EYA1: variants seen among roughly 807,000 people sequenced by gnomAD.
The protein encoded by EYA1 is EYA transcriptional coactivator and phosphatase 1.
In EYA1, 16 loss-of-function variants were observed where a neutral mutation model predicts 82.0. The observed-to-expected ratio is 0.20, with a 90% confidence interval of 0.13 to 0.30. The LOEUF is 0.30. EYA1 is among the 10% of genes least tolerant of loss of function. The probability of loss-of-function intolerance (pLI) is 1.00; values close to 1 mark genes in which losing one functional copy is unlikely to be tolerated. For synonymous variants in EYA1, 261 were observed against 264.4 expected (o/e 0.99, Z 0.12); for missense variants, 633 against 730.7 (o/e 0.87, Z 1.54).
intron 17 of EYA1, among the ~76,000 whole-genome samples, chr8:71,200,848 G>A (rs1806899705): frequency 6.6e-6 from 1 of 151,340 alleles, no homozygotes; most frequent in African/African-American, 2.4e-5. Context: ...CTGAAGGGAG[G>A]TGATAGCTGA....
At chr8:71,353,455 C>A (rs1209526071) in intron 3 of EYA1, among the ~76,000 whole-genome samples, 2 of 152,168 alleles carry the variant, frequency 1.3e-5, no homozygotes, top group Admixed American at 6.5e-5. Flanking sequence ...GGAAAAGGCA[C>A]CTCATTCAGA....
At chr8:71,521,564 G>C (rs900746228) in intron 2 of EYA1, among the ~76,000 whole-genome samples, 3 of 152,248 alleles carry the variant, frequency 2.0e-5, no homozygotes, top group African/African-American at 7.2e-5. Flanking sequence ...GCATGGAAAT[G>C]CATGCATCTA....
At chr8:71,505,515 C>A (rs993404500) in intron 2 of EYA1, among the ~76,000 whole-genome samples, 1 of 152,194 alleles carries the variant, frequency 6.6e-6, no homozygotes, top group African/African-American at 2.4e-5. Context: ...GGGTGACCAT[C>A]CACATAGGAG....
chr8:71,403,231 A>G (rs982106458), intron 2 of EYA1, among the ~76,000 whole-genome samples: 1 of 152,250 alleles, frequency 6.6e-6, no homozygotes. Flanking sequence ...GAGCAATCCA[A>G]TACAAAATTG....
chr8:71,494,893 T>G (rs183915024), intron 2 of EYA1, among the ~76,000 whole-genome samples: 1 of 152,200 alleles, frequency 6.6e-6, no homozygotes, highest in Non-Finnish European at 1.5e-5. Context: ...AACGGAACTG[T>G]AAGTTTTAAA....
intron 2 of EYA1, among the ~76,000 whole-genome samples, chr8:71,379,529 GTT>G (rs1373993096): frequency 6.6e-6 from 1 of 152,152 alleles, no homozygotes; most frequent in Non-Finnish European, 1.5e-5. Context: ...GTTGTTGTTA[GTT>G]TTTGTTTTGC....
intron 2 of EYA1, among the ~76,000 whole-genome samples, chr8:71,472,503 TA>T (rs1242462270): frequency 6.6e-6 from 1 of 151,996 alleles, no homozygotes; most frequent in Non-Finnish European, 1.5e-5. Context: ...TTATTACAGA[TA>T]AAAACTATTA....
At chr8:71,279,537 C>A (rs1023806595) in intron 9 of EYA1, among the ~76,000 whole-genome samples, 1 of 152,180 alleles carries the variant, frequency 6.6e-6, no homozygotes, top group African/African-American at 2.4e-5. Context: ...CCAAAAGAAT[C>A]ATATACATCC....
At chr8:71,427,605 G>A (rs111256517) in intron 2 of EYA1, among the ~76,000 whole-genome samples, 10 of 152,116 alleles carry the variant, frequency 6.6e-5, no homozygotes, top group African/African-American at 2.2e-4. Context: ...CTTATATAAC[G>A]CCTAGTGAGG....
At chr8:71,226,191 T>C (rs763536772) in intron 12 of EYA1, among the ~76,000 whole-genome samples, 4 of 150,954 alleles carry the variant, frequency 2.6e-5, no homozygotes, top group African/African-American at 5.0e-5. Flanking sequence ...AACTAGAAGA[T>C]TGCATGAACA....
rs142713928 is a variant in EYA1, at chr8:71,415,470, C to T, written c.34-58959G>A. 2.1e-4 allele frequency among the ~76,000 whole-genome samples: 32 copies of T among 152,274 alleles called. No individual in the cohort carries two copies. The East Asian group carries it at 5.2e-3, about 25-fold the overall frequency. On this transcript the variant is annotated intron_variant, in intron 2 of 18. Transcript: ENST00000643681. ...GATACAACGTGAGCTTACAGAAGTA[C>T]CCTAAACACAGAGAGCTAGTAAGGG...
intron 3 of EYA1, among the ~76,000 whole-genome samples, chr8:71,341,110 T>C (rs1825076774): frequency 6.6e-6 from 1 of 152,212 alleles, no homozygotes; most frequent in African/African-American, 2.4e-5. Context: ...AAACTATCAA[T>C]TACTGAAATT....
At chr8:71,493,247 T>C (rs748442396) in intron 2 of EYA1, among the ~76,000 whole-genome samples, 4 of 152,224 alleles carry the variant, frequency 2.6e-5, no homozygotes, top group East Asian at 1.9e-4. Flanking sequence ...GTCTTTATGA[T>C]AGAATGAATG....
chr8:71,226,781 A>T (rs1810611931), intron 12 of EYA1, among the ~76,000 whole-genome samples: 1 of 151,706 alleles, frequency 6.6e-6, no homozygotes, highest in South Asian at 2.1e-4. Context: ...TATACAATAA[A>T]TACTATCTCG....
At chr8:71,228,056 G>A (rs902157231) in intron 12 of EYA1, among the ~76,000 whole-genome samples, 3 of 152,168 alleles carry the variant, frequency 2.0e-5, no homozygotes, top group Non-Finnish European at 4.4e-5. Flanking sequence ...TCTCTGCCAT[G>A]TAATTATTAC....
Position 71,216,812 on chromosome 8 carries a change from T to G in EYA1, c.1240A>C (p.Thr414Pro). Residue 414 changes from threonine to proline, a missense_variant, in exon 14 of 18, where the codon ACC becomes CCC. Coordinates refer to ENST00000340726, the MANE Select transcript of EYA1 (RefSeq NM_000503.6). Reference protein sequence around the residue: ...FGTDGFPAAATSANLCLATGV... With the variant: ...FGTDGFPAAAPSANLCLATGV... ...GTTGCCAAACATAAGTTAGCACTGG[T>G]TGCTGCAGCAGGAAAGCCATCTGTT... The G allele has an allele frequency of 2.5e-6, 4 of 1,614,160 alleles. No homozygotes were observed. The highest frequency in any genetic ancestry group is 3.4e-6 in the Non-Finnish European group (4 of 1,180,004).
At chr8:71,251,122 G>A (rs1214781771) in intron 11 of EYA1, among the ~76,000 whole-genome samples, 1 of 152,128 alleles carries the variant, frequency 6.6e-6, no homozygotes, top group Non-Finnish European at 1.5e-5. Context: ...TAATGAAGTG[G>A]ATAATATTAC....
chr8:71,211,313 G>C, intron 16 of EYA1, 57 bp from the exon 17 acceptor site: 1 of 1,123,428 alleles, frequency 8.9e-7, no homozygotes, highest in Non-Finnish European at 1.4e-6. Context: ...TAATGTGACA[G>C]TGCTTGAACT....
chr8:71,271,979 G>T, intron 9 of EYA1, 82 bp from the exon 10 acceptor site: 2 of 1,443,076 alleles, frequency 1.4e-6, no homozygotes, highest in Non-Finnish European at 9.8e-7. Context: ...TTCACAAGGG[G>T]AGTTTCAATA....
Sources: allele counts gnomAD v4.1 joint callset (sites outside exome capture counted in the v4.1 genomes callset), GRCh38; gene constraint gnomAD v4.1.1; transcripts MANE v1.5; gene names NCBI Gene and HGNC (gene_info 2026-07-23, HGNC 2026-07-21).